CTNND2: variants seen among roughly 807,000 people sequenced by gnomAD.
The protein encoded by CTNND2 is catenin delta-2.
CTNND2 carries 22 observed loss-of-function variants against 144.4 expected under a neutral mutation model. That is an observed-to-expected ratio of 0.15 (90% CI 0.11 to 0.22). CTNND2 has a LOEUF of 0.22. CTNND2 is among the 10% of genes least tolerant of loss of function. CTNND2 has a pLI of 1.00. For synonymous variants in CTNND2, 751 were observed against 695.6 expected (o/e 1.08, Z -1.25); for missense variants, 1,353 against 1,618.8 (o/e 0.84, Z 2.82).
intron 2 of CTNND2, among the ~76,000 whole-genome samples, chr5:11,675,609 C>A (rs1403822276): frequency 6.6e-6 from 1 of 151,982 alleles, no homozygotes; most frequent in Non-Finnish European, 1.5e-5. Context: ...TTAAAAATCA[C>A]AGAGGACCCA....
chr5:11,678,659 C>A lies in CTNND2; in HGVS notation c.174+53477G>T, dbSNP rs147212626. ...GTCCATCTCACACAAATTAATCTAG[C>A]TAAAATACTGCAAATCATGCAGATC... is the stretch of plus-strand genomic sequence containing the variant. On this transcript the variant is annotated intron_variant, in intron 2 of 21. Transcript: ENST00000304623. Among the ~76,000 whole-genome samples, 99 of 152,248 alleles carry A rather than the reference C, an allele frequency of 6.5e-4. 1 individual carries two copies. The highest frequency in any genetic ancestry group is 6.8e-3 in the Middle Eastern group (2 of 294).
At chr5:11,204,844 T>C (rs1737874055) in intron 10 of CTNND2, among the ~76,000 whole-genome samples, 1 of 151,920 alleles carries the variant, frequency 6.6e-6, no homozygotes, top group Non-Finnish European at 1.5e-5. Flanking sequence ...ACAAGTTGCT[T>C]AGAGGATAGT....
At chr5:11,732,772 G>T (rs1031615445) in intron 1 of CTNND2, among the ~76,000 whole-genome samples, 2 of 152,042 alleles carry the variant, frequency 1.3e-5, no homozygotes, top group African/African-American at 2.4e-5. Flanking sequence ...TCAGGAGCAG[G>T]CCTCAGAAAG....
rs1386517210 is a variant in CTNND2, at chr5:11,463,767, G to T, written c.288-51698C>A. 3.3e-5 allele frequency among the ~76,000 whole-genome samples: 5 copies of T among 150,782 alleles called. No homozygotes were observed. In the South Asian group the frequency reaches 6.3e-4, roughly 19 times the overall value. On this transcript the variant is annotated intron_variant, in intron 3 of 21. Coordinates refer to ENST00000304623, the MANE Select transcript of CTNND2 (RefSeq NM_001332.4). Reference sequence around the variant, plus strand: ...ACTCAATTTCTTATATGCTTTTAATGACTTAAAAAAGCACTGGGCAATGGA... The same window carrying T: ...ACTCAATTTCTTATATGCTTTTAATTACTTAAAAAAGCACTGGGCAATGGA...
chr5:11,557,291 A>T (rs1776307438), intron 3 of CTNND2, among the ~76,000 whole-genome samples: 2 of 151,708 alleles, frequency 1.3e-5, no homozygotes, highest in Non-Finnish European at 2.9e-5. Flanking sequence ...GACTTGTAAA[A>T]CTCTGTTTGG....
intron 16 of CTNND2, among the ~76,000 whole-genome samples, chr5:11,067,245 C>A (rs1165418253): frequency 6.6e-6 from 1 of 152,140 alleles, no homozygotes; most frequent in African/African-American, 2.4e-5. Context: ...AGAAGTGATA[C>A]GTAGCTTTAA....
At chr5:11,411,927 G>C in intron 4 of CTNND2, 108 bp downstream of exon 4, 1 of 897,354 alleles carries the variant, frequency 1.1e-6, no homozygotes, top group African/African-American at 1.7e-5. Context: ...TTTACTATCG[G>C]GATGTTTTCC....
intron 1 of CTNND2, among the ~76,000 whole-genome samples, chr5:11,752,440 T>A (rs1235263236): frequency 6.6e-6 from 1 of 151,850 alleles, no homozygotes; most frequent in Admixed American, 6.6e-5. Flanking sequence ...ATAGGAAGTC[T>A]TTTTCTTATT....
intron 1 of CTNND2, among the ~76,000 whole-genome samples, chr5:11,803,706 C>T (rs1791827302): frequency 2.0e-5 from 3 of 152,198 alleles, no homozygotes; most frequent in African/African-American, 7.2e-5. Context: ...GAGTTCACTT[C>T]CTATTCCACA....
chr5:11,137,212 G>A (rs1223522809), intron 12 of CTNND2, among the ~76,000 whole-genome samples: 1 of 152,120 alleles, frequency 6.6e-6, no homozygotes, highest in Non-Finnish European at 1.5e-5. Context: ...GCCATATGAG[G>A]AATTAATCCA....
chr5:11,475,315 C>A (rs2149963453), intron 3 of CTNND2, among the ~76,000 whole-genome samples: 1 of 152,292 alleles, frequency 6.6e-6, no homozygotes, highest in South Asian at 2.1e-4. Context: ...TTTGGATACT[C>A]AAGGAGCAGT....
intron 18 of CTNND2, among the ~76,000 whole-genome samples, chr5:11,005,295 G>A (rs1740366124): frequency 6.6e-6 from 1 of 152,252 alleles, no homozygotes. Context: ...AGGCAGGGTG[G>A]ACGGAAGTCA....
chr5:11,758,846 A>G (rs1443063617), intron 1 of CTNND2, among the ~76,000 whole-genome samples: 1 of 152,042 alleles, frequency 6.6e-6, no homozygotes, highest in Non-Finnish European at 1.5e-5. Flanking sequence ...GACTTCACAC[A>G]TTTTATTTTC....
At chr5:11,865,919 G>A (rs919359468) in intron 1 of CTNND2, among the ~76,000 whole-genome samples, 1 of 12,324 alleles carries the variant, frequency 8.1e-5, no homozygotes, top group Admixed American at 8.3e-4. Context: ...AAAAAAACGA[G>A]TTCTCCTCTA....
At chr5:11,693,182 G>C (rs1472696957) in intron 2 of CTNND2, among the ~76,000 whole-genome samples, 1 of 152,132 alleles carries the variant, frequency 6.6e-6, no homozygotes, top group Non-Finnish European at 1.5e-5. Flanking sequence ...TGAGGACGCG[G>C]GAAAAAGACA....
At chr5:11,135,464 T>A (rs1173995666) in intron 12 of CTNND2, among the ~76,000 whole-genome samples, 1 of 152,200 alleles carries the variant, frequency 6.6e-6, no homozygotes, top group Non-Finnish European at 1.5e-5. Flanking sequence ...GATTCAACTT[T>A]TGACAAAACA....
intron 1 of CTNND2, among the ~76,000 whole-genome samples, chr5:11,747,912 C>T (rs1269587952): frequency 6.6e-6 from 1 of 152,044 alleles, no homozygotes; most frequent in East Asian, 1.9e-4. Context: ...ATATTGATTG[C>T]AAATATGTAT....
intron 15 of CTNND2, among the ~76,000 whole-genome samples, chr5:11,087,618 T>C (rs1750312790): frequency 1.3e-5 from 2 of 152,348 alleles, no homozygotes; most frequent in East Asian, 3.9e-4. Context: ...TCAAAATTTC[T>C]AAATCTATTT....
At chr5:11,309,123 T>C (rs569684866) in intron 9 of CTNND2, among the ~76,000 whole-genome samples, 4 of 152,300 alleles carry the variant, frequency 2.6e-5, no homozygotes, top group East Asian at 1.9e-4. Context: ...GGGACACAAA[T>C]TGAAACCATA....
Sources: gnomAD v4.1 joint callset for allele counts (sites outside exome capture counted in the v4.1 genomes callset) on GRCh38, gnomAD v4.1.1 for gene constraint, MANE v1.5 for transcripts, NCBI Gene and HGNC (gene_info 2026-07-23, HGNC 2026-07-21) for gene names.